Variants in RBMS3 observed in about 807,000 individuals in gnomAD.
The protein encoded by RBMS3 is RNA-binding motif, single-stranded-interacting protein 3.
Under a neutral mutation model 66.8 loss-of-function variants are expected in RBMS3, and 27 were observed. The ratio of observed to expected loss-of-function variants is 0.40; its 90% CI spans 0.30 to 0.56. The LOEUF is 0.56. Among genes scored for constraint, RBMS3 ranks in the 20% least tolerant of loss-of-function variants. RBMS3 has a pLI of 0.40. For synonymous variants in RBMS3, 188 were observed against 183.0 expected, an observed-to-expected ratio of 1.03 and a Z score of -0.22; for missense variants, 513 against 549.5, an observed-to-expected ratio of 0.93 and a Z score of 0.66.
chr3:29,711,033 C>A (rs1293278113), intron 4 of RBMS3, among the ~76,000 whole-genome samples: 1 of 152,082 alleles, frequency 6.6e-6, no homozygotes, highest in African/African-American at 2.4e-5. Context: ...ATGTTCCAAG[C>A]CCCCCAGTGG....
chr3:29,992,328 T>A (rs1244097763), intron 14 of RBMS3, among the ~76,000 whole-genome samples: 2 of 152,336 alleles, frequency 1.3e-5, no homozygotes, highest in East Asian at 3.9e-4. Flanking sequence ...GGCTCACGCC[T>A]GTAATCCCAG....
At chr3:29,413,379 TA>T (rs2040354040) in intron 1 of RBMS3, among the ~76,000 whole-genome samples, 16 of 100,608 alleles carry the variant, frequency 1.6e-4, no homozygotes, top group Admixed American at 1.1e-3. Context: ...CATTCATACA[TA>T]CATACATACA....
chr3:29,739,040 T>G (rs1449316073), intron 4 of RBMS3, among the ~76,000 whole-genome samples: 1 of 152,192 alleles, frequency 6.6e-6, no homozygotes. Context: ...TATTATGAAC[T>G]CTCATTAAAT....
intron 11 of RBMS3, among the ~76,000 whole-genome samples, chr3:29,939,365 C>G (rs1474689642): frequency 6.6e-6 from 1 of 151,914 alleles, no homozygotes. Flanking sequence ...ATAATACTAT[C>G]TCTGCCTGAG....
intron 3 of RBMS3, among the ~76,000 whole-genome samples, chr3:29,496,195 CAAAAA>C (rs60639896): frequency 1.4e-4 from 16 of 110,506 alleles, no homozygotes; most frequent in Admixed American, 2.6e-4. Context: ...CCGCCCACAT[CAAAAA>C]AAAAAAAAAA....
intron 5 of RBMS3, among the ~76,000 whole-genome samples, chr3:29,757,280 A>G (rs1040360412): frequency 3.9e-5 from 6 of 152,222 alleles, no homozygotes; most frequent in African/African-American, 1.2e-4. Flanking sequence ...AAGACTAAAT[A>G]TATTTTTTAT....
chr3:29,462,642 CCT>C (rs993434501), intron 2 of RBMS3, among the ~76,000 whole-genome samples: 4 of 152,102 alleles, frequency 2.6e-5, no homozygotes, highest in Non-Finnish European at 5.9e-5. Context: ...TTACTTTACC[CCT>C]GTTTCTCTTT....
intron 7 of RBMS3, among the ~76,000 whole-genome samples, chr3:29,873,536 CA>C (rs1169701275): frequency 6.6e-6 from 1 of 152,098 alleles, no homozygotes; most frequent in Non-Finnish European, 1.5e-5. Flanking sequence ...TGTCTGCAAA[CA>C]GGGATAGTTT....
chr3:29,434,628 T>G, intron 1 of RBMS3, 115 bp from the exon 2 acceptor site: 1 of 1,352,896 alleles, frequency 7.4e-7, no homozygotes, highest in Non-Finnish European at 1.0e-6. Flanking sequence ...TGTGTGTGTA[T>G]GTACGTGTGT....
chr3:29,342,192 G>T lies in RBMS3; in HGVS notation c.75+60436G>T, dbSNP rs190947795. ...ATTTCCAGAAGTGGAGGCTTCAGGT[G>T]TGAACAGAAAATGGAAACCTGGTTT... On this transcript the variant is annotated intron_variant, in intron 1 of 14. Coordinates refer to ENST00000383767, the MANE Select transcript of RBMS3 (RefSeq NM_001003793.3). 3.3e-5 allele frequency among the ~76,000 whole-genome samples: 5 copies of T among 152,228 alleles called. No homozygotes were observed. The East Asian group carries it at 9.6e-4, about 29-fold the overall frequency.
At chr3:29,412,675 A>C (rs13320714) in intron 1 of RBMS3, among the ~76,000 whole-genome samples, 22,200 of 152,178 alleles carry the variant, frequency 0.15, 1,863 homozygotes, top group East Asian at 0.29. Context: ...GCTGAGAATC[A>C]GAAGTGTGGC....
At chr3:29,312,848 G>C (rs961470294) in intron 1 of RBMS3, among the ~76,000 whole-genome samples, 1 of 151,634 alleles carries the variant, frequency 6.6e-6, no homozygotes, top group African/African-American at 2.4e-5. Context: ...ATAATCCCAA[G>C]ATCTTTTGCC....
At chr3:29,291,633 A>T (rs990748273) in intron 1 of RBMS3, among the ~76,000 whole-genome samples, 1 of 151,852 alleles carries the variant, frequency 6.6e-6, no homozygotes, top group South Asian at 2.1e-4. Context: ...ATTTTTCTCA[A>T]TTCTTCTGTC....
intron 4 of RBMS3, among the ~76,000 whole-genome samples, chr3:29,665,011 A>C (rs1416803101): frequency 6.6e-6 from 1 of 152,178 alleles, no homozygotes; most frequent in African/African-American, 2.4e-5. Context: ...GAATAGAAGA[A>C]CTTATGAAGA....
At chr3:29,618,259 C>T (rs746447887) in intron 4 of RBMS3, among the ~76,000 whole-genome samples, 10 of 152,072 alleles carry the variant, frequency 6.6e-5, no homozygotes, top group Non-Finnish European at 1.2e-4. Context: ...CTTTGGGAGG[C>T]GGAGGCAGGT....
chr3:29,682,716 T>C (rs1239982556), intron 4 of RBMS3, among the ~76,000 whole-genome samples: 1 of 152,194 alleles, frequency 6.6e-6, no homozygotes. Context: ...ATTTCTATTC[T>C]GGTTCATTTT....
At chr3:29,405,339 TAAA>T (rs2039974855) in intron 1 of RBMS3, among the ~76,000 whole-genome samples, 1 of 152,140 alleles carries the variant, frequency 6.6e-6, no homozygotes, top group African/African-American at 2.4e-5. Context: ...GTGCCTTTGT[TAAA>T]AAAATTCACA....
chr3:29,967,684 G>C (rs1696944932), intron 12 of RBMS3, among the ~76,000 whole-genome samples: 1 of 152,136 alleles, frequency 6.6e-6, no homozygotes, highest in Admixed American at 6.6e-5. Context: ...AATTCTTCCT[G>C]ATTTAAGCTA....
chr3:29,294,251 G>A (rs2033061778), intron 1 of RBMS3, among the ~76,000 whole-genome samples: 1 of 151,768 alleles, frequency 6.6e-6, no homozygotes, highest in Non-Finnish European at 1.5e-5. Flanking sequence ...CCTCTGTGAT[G>A]CTTTATGTCA....
Sources: gnomAD v4.1 joint callset for allele counts (sites outside exome capture counted in the v4.1 genomes callset) on GRCh38, gnomAD v4.1.1 for gene constraint, MANE v1.5 for transcripts, NCBI Gene and HGNC (gene_info 2026-07-23, HGNC 2026-07-21) for gene names.